CORO6: variants seen among roughly 807,000 people sequenced by gnomAD.
CORO6 encodes coronin-6.
CORO6 carries 43 observed loss-of-function variants against 49.0 expected under a neutral mutation model. The ratio of observed to expected loss-of-function variants is 0.88; its 90% CI spans 0.69 to 1.13. CORO6 has a LOEUF of 1.13. Among genes scored for constraint, CORO6 ranks in the 50% most tolerant of loss-of-function variants. CORO6 has a pLI of 0.00. For missense variants in CORO6, 650 were observed against 647.0 expected, an observed-to-expected ratio of 1.00 and a Z score of -0.05; for synonymous variants, 233 against 256.5, an observed-to-expected ratio of 0.91 and a Z score of 0.88.
intron 5 of CORO6, chr17:29,617,898 G>A: frequency 1.3e-6 from 1 of 747,060 alleles, no homozygotes; most frequent in Non-Finnish European, 2.0e-6. Flanking sequence ...AGGGGTGTCT[G>A]CTGGCTCCCC....
chr17:29,618,884 C>A lies in CORO6; in HGVS notation c.539G>T (p.Ser180Ile). The change falls in exon 5 of 11, where the codon AGT becomes ATT. Residue 180 changes from serine to isoleucine, a missense_variant. Transcript: ENST00000388767. ...GCTACCGTTGCTGTTCCAGCACACA[C>A]TGTGGATGACGTCTGGGTGCATATC... ...LDDMHPDVIH[S>I]VCWNSNGSLL... is the part of the protein sequence containing the mutation. The A allele has an allele frequency of 1.9e-6, 3 of 1,614,034 alleles. No individual in the cohort carries two copies. The highest frequency in any genetic ancestry group is 2.5e-6 in the Non-Finnish European group (3 of 1,180,010).
At position 29,618,365 on chromosome 17, in the gene CORO6, C is replaced by G. The variant is rs2035116161; in HGVS notation, c.633+425G>C. 3.1e-6 allele frequency: 4 copies of G among 1,285,048 alleles called. No homozygotes were observed. In the African/African-American group the frequency reaches 4.6e-5, roughly 15 times the overall value. 79.6% of individuals were successfully genotyped at this position (1,285,048 alleles called of 1,614,324 possible). A position where few individuals can be genotyped will look rare whatever the true frequency, so the allele number is the denominator to read the frequency against. On this transcript the variant is annotated intron_variant, in intron 5 of 10. Coordinates refer to ENST00000388767, the MANE Select transcript of CORO6 (RefSeq NM_032854.4). ...GCGCGAGGGTTGCCCCATCCCCCGC[C>G]CAGCGGGTCCACAAGGAGAAAGGGC... is the stretch of plus-strand genomic sequence containing the variant.
Position 29,621,272 on chromosome 17 carries a change from A to T in CORO6, c.150T>A (p.Ile50=). 6.2e-7 allele frequency: 1 copy of T among 1,614,178 alleles called. No homozygotes were observed. Among genetic ancestry groups the T allele is most frequent in the Non-Finnish European group, 8.5e-7 (1 of 1,180,030 alleles). The change falls in exon 2 of 11, where the codon ATT becomes ATA. Residue 50 remains isoleucine, a synonymous_variant. Transcript: ENST00000388767. The surrounding 1 kb of genome is among the most constrained non-coding windows in gnomAD (Gnocchi z 4.2). ...CAVNPKFLAI[I]VEAGGGGAFI... is the part of the protein sequence containing the mutation. ...AGGCACCCCCGCCTCCAGCCTCCAC[A>T]ATAATGGCCAGGAATTTGGGGTTGA...
chr17:29,618,221 C>G, intron 5 of CORO6: 1 of 1,323,774 alleles, frequency 7.6e-7, no homozygotes, highest in Non-Finnish European at 9.6e-7. Context: ...CGACCGCTCT[C>G]GGCGCGCTTG....
At position 29,616,804 on chromosome 17, in the gene CORO6, G is replaced by T; in HGVS notation, c.902C>A (p.Pro301His). The change falls in exon 8 of 11, where the codon CCT becomes CAT. Residue 301 changes from proline to histidine, a missense_variant. Transcript: ENST00000388767. The surrounding 1 kb of genome is among the most constrained non-coding windows in gnomAD (Gnocchi z 5.6). Reference sequence around the variant, plus strand: ...GAACGTGTTCAGGTAGTGCACGAAAGGCGGCTCGTCGGTAATCTCAAAGTA... The same window carrying T: ...GAACGTGTTCAGGTAGTGCACGAAATGCGGCTCGTCGGTAATCTCAAAGTA... ...IRYFEITDEP[P>H]FVHYLNTFSS... 6.2e-7 allele frequency: 1 copy of T among 1,613,810 alleles called. No individual in the cohort carries two copies. The highest frequency in any genetic ancestry group is 8.5e-7 in the Non-Finnish European group (1 of 1,179,944).
At chr17:29,622,494 C>G (rs2035357789) in intron 1 of CORO6, among the ~76,000 whole-genome samples, 194 bp downstream of exon 1, 3 of 152,270 alleles carry the variant, frequency 2.0e-5, no homozygotes, top group African/African-American at 2.4e-5. Flanking sequence ...TGCCCTGACA[C>G]TGCGTTCTTG....
intron 3 of CORO6, 25 bp downstream of exon 3, chr17:29,619,626 C>T (rs763535509): frequency 6.2e-7 from 1 of 1,611,250 alleles, no homozygotes; most frequent in South Asian, 1.1e-5. Flanking sequence ...GCTCAACTGC[C>T]CAGCAGTAGC....
rs758932234 is a variant in CORO6, at chr17:29,616,242, C to G, written c.1062+37G>C. On this transcript the variant is annotated intron_variant, in intron 9 of 10. Coordinates refer to ENST00000388767, the MANE Select transcript of CORO6 (RefSeq NM_032854.4). The surrounding 1 kb of genome is among the most constrained non-coding windows in gnomAD (Gnocchi z 5.6). ...CGGGGCTTGCTCCGCTCCCTTCCGC[C>G]TCGTAGCCCTGCCCAACCCTTCTCC... The G allele has an allele frequency of 6.2e-7, 1 of 1,610,952 alleles. No homozygotes were observed. Among genetic ancestry groups the G allele is most frequent in the Non-Finnish European group, 8.5e-7 (1 of 1,178,570 alleles).
rs749649305 is a variant in CORO6 at position 29,621,335 on chromosome 17, A to C, written c.87T>G (p.Arg29=). 1 of 1,614,216 alleles carries C rather than the reference A, an allele frequency of 6.2e-7. No homozygotes were observed. The highest frequency in any genetic ancestry group is 8.5e-7 in the Non-Finnish European group (1 of 1,180,038). ...AKADQAYEDI[R]VSKVTWDSSF... is the part of the protein sequence containing the mutation. ...AGCTGTCCCATGTGACCTTGGACAC[A>C]CGGATGTCCTCGTAGGCCTGGTCGG... Residue 29 remains arginine, a synonymous_variant, in exon 2 of 11, where the codon CGT becomes CGG. Coordinates refer to ENST00000388767, the MANE Select transcript of CORO6 (RefSeq NM_032854.4). This position sits in a 1 kb window ranked among gnomAD's most constrained non-coding sequence, Gnocchi z 4.2.
chr17:29,618,722 G>A (rs551512838), intron 5 of CORO6, 68 bp downstream of exon 5: 62 of 1,537,212 alleles, frequency 4.0e-5, no homozygotes, highest in Non-Finnish European at 5.4e-5. Flanking sequence ...GATAATGGTG[G>A]GTACAAGGGT....
intron 2 of CORO6, among the ~76,000 whole-genome samples, chr17:29,620,623 G>A (rs1037916508): frequency 2.0e-5 from 3 of 152,136 alleles, no homozygotes; most frequent in African/African-American, 2.4e-5. Context: ...GGATGGTCAA[G>A]GGGCTTAAGG....
chr17:29,619,628 A>T, intron 3 of CORO6, 23 bp downstream of exon 3: 1 of 1,611,604 alleles, frequency 6.2e-7, no homozygotes, highest in Non-Finnish European at 8.5e-7. Flanking sequence ...TCAACTGCCC[A>T]GCAGTAGCCA....
intron 6 of CORO6, 66 bp from the exon 7 acceptor site, chr17:29,617,108 A>G: frequency 1.9e-6 from 3 of 1,591,094 alleles, no homozygotes; most frequent in Non-Finnish European, 2.6e-6. Flanking sequence ...GGACCCCCAG[A>G]AGCCCCTTTA....
intron 4 of CORO6, 39 bp downstream of exon 4, chr17:29,619,021 C>T (rs2035162850): frequency 6.2e-7 from 1 of 1,611,816 alleles, no homozygotes; most frequent in South Asian, 1.1e-5. Context: ...TTTGCCACCA[C>T]CCACCCATCT....
Position 29,616,302 on chromosome 17 carries a change from T to G in CORO6, c.1039A>C (p.Ile347Leu). 1 of 1,610,892 alleles carries G rather than the reference T, an allele frequency of 6.2e-7. No individual in the cohort carries two copies. The highest frequency in any genetic ancestry group is 8.5e-7 in the Non-Finnish European group (1 of 1,178,520). Residue 347 changes from isoleucine to leucine, a missense_variant, in exon 9 of 11, where the codon ATC becomes CTC. By Grantham distance (5) the Ile-to-Leu change is conservative. Coordinates refer to ENST00000388767, the MANE Select transcript of CORO6 (RefSeq NM_032854.4). This position sits in a 1 kb window ranked among gnomAD's most constrained non-coding sequence, Gnocchi z 5.6. Reference protein sequence around the residue: ...YKLHERKCEPIIMTVPRKSDL... With the variant: ...YKLHERKCEPLIMTVPRKSDL... ...ACCTTGCGGGGCACAGTCATGATGA[T>G]AGGTTCACACTTTCTTTCGTGTAGC...
chr17:29,617,701 G>C, intron 5 of CORO6, 82 bp from the exon 6 acceptor site: 1 of 1,413,426 alleles, frequency 7.1e-7, no homozygotes, highest in Admixed American at 2.5e-5. Context: ...CCAGCTTGCT[G>C]ACTTGGGTGT....
chr17:29,619,590 G>A, intron 3 of CORO6, 61 bp downstream of exon 3: 5 of 1,561,496 alleles, frequency 3.2e-6, no homozygotes, highest in Non-Finnish European at 2.6e-6. Context: ...CCCCAGCACA[G>A]GTGAGGCAGC....
Position 29,619,676 on chromosome 17 carries a change from C to A in CORO6, c.296G>T (p.Ser99Ile). 1.9e-6 allele frequency: 3 copies of A among 1,613,820 alleles called. No individual in the cohort carries two copies. Among genetic ancestry groups the A allele is most frequent in the Non-Finnish European group, 2.5e-6 (3 of 1,179,868 alleles). The change falls in exon 3 of 11, where the codon AGT (serine) becomes ATT (isoleucine). Residue 99 changes from serine (S) to isoleucine (I), a missense_variant. By Grantham distance (142) the Ser-to-Ile change is moderately radical. Transcript: ENST00000388767. ...CATGATGGTGGTGTCGTCTGAGGCA[C>A]TGGCGATAACGTTGTCATTGTGTGG... ...WCPHNDNVIA[S>I]ASDDTTIMVW...
In CORO6 at chr17:29,615,738, C is replaced by G. The variant is rs531226256; in HGVS notation, c.1413G>C (p.Thr471=). 3.2e-6 allele frequency: 5 copies of G among 1,543,994 alleles called. No homozygotes were observed. The highest frequency in any genetic ancestry group is 1.4e-5 in the African/African-American group (1 of 72,966). ...GCCTGCCTGGCGCGCGGGGCTAGTC[C>G]GTGCCGTCCACCAGCTCGCACAGCA... ...ENMLCELVDG[T]D The change falls in exon 11 of 11, where the codon ACG becomes ACC. Residue 471 remains threonine (T), a synonymous_variant. Coordinates refer to ENST00000388767, the MANE Select transcript of CORO6 (RefSeq NM_032854.4).
Sources: allele counts gnomAD v4.1 joint callset (sites outside exome capture counted in the v4.1 genomes callset), GRCh38; gene constraint gnomAD v4.1.1; non-coding constraint Gnocchi (gnomAD v3.1); transcripts MANE v1.5; gene names NCBI Gene and HGNC (gene_info 2026-07-23, HGNC 2026-07-21).